The following CSMD1 variants were observed in gnomAD, a reference collection of about 807,000 sequenced individuals.
CSMD1 encodes CUB and sushi domain-containing protein 1.
Under a neutral mutation model 417.5 loss-of-function variants are expected in CSMD1, and 213 were observed. That is an observed-to-expected ratio of 0.51 (90% CI 0.46 to 0.57). The LOEUF (loss-of-function observed/expected upper bound fraction) is 0.57, where lower values mean the gene tolerates loss of function less well. Among genes scored for constraint, CSMD1 ranks in the 20% least tolerant of loss-of-function variants. CSMD1 has a pLI of 0.00. For synonymous variants in CSMD1, 2,862 were observed against 1,736.8 expected (o/e 1.65, Z -16.11); for missense variants, 6,923 against 4,529.7 (o/e 1.53, Z -15.17).
chr8:4,673,017 G>GCACACACGCACACGGTGACACAACA (rs1805427268), intron 1 of CSMD1, among the ~76,000 whole-genome samples: 1 of 150,982 alleles, frequency 6.6e-6, no homozygotes, highest in South Asian at 2.1e-4. Flanking sequence ...TGGTGACATG[G>GCACACACGCACACGGTGACACAACA]CACACACGCA....
At chr8:4,592,720 T>C (rs1265882544) in intron 2 of CSMD1, among the ~76,000 whole-genome samples, 1 of 152,106 alleles carries the variant, frequency 6.6e-6, no homozygotes, top group African/African-American at 2.4e-5. Context: ...TTTATAAAGC[T>C]CAATCCAAAA....
intron 3 of CSMD1, among the ~76,000 whole-genome samples, chr8:4,260,647 T>A (rs918894437): frequency 2.0e-5 from 3 of 152,162 alleles, no homozygotes; most frequent in Admixed American, 6.6e-5. Context: ...GTCCTTGTAA[T>A]TGATTTTCAT....
intron 2 of CSMD1, among the ~76,000 whole-genome samples, chr8:4,609,140 A>T (rs1801037410): frequency 6.6e-6 from 1 of 152,234 alleles, no homozygotes; most frequent in African/African-American, 2.4e-5. Context: ...TGGCTCATGC[A>T]TGTAATCCCA....
At chr8:4,162,801 A>C (rs34904925) in intron 3 of CSMD1, among the ~76,000 whole-genome samples, 1 of 151,850 alleles carries the variant, frequency 6.6e-6, no homozygotes, top group Non-Finnish European at 1.5e-5. Context: ...GGTATTGTAC[A>C]TGCTATGGGT....
At chr8:4,252,965 G>T (rs950204786) in intron 3 of CSMD1, among the ~76,000 whole-genome samples, 1 of 152,160 alleles carries the variant, frequency 6.6e-6, no homozygotes, top group Non-Finnish European at 1.5e-5. Flanking sequence ...CACTTTTCAT[G>T]ACAGCCCAGT....
At chr8:4,309,937 T>C (rs1248794475) in intron 3 of CSMD1, among the ~76,000 whole-genome samples, 2 of 152,290 alleles carry the variant, frequency 1.3e-5, no homozygotes, top group Middle Eastern at 3.4e-3. Context: ...AGAAACATGA[T>C]AGTCGATTAT....
At chr8:3,624,045 G>A (rs151275417) in intron 7 of CSMD1, among the ~76,000 whole-genome samples, 608 of 152,000 alleles carry the variant, frequency 4.0e-3, no homozygotes, top group Non-Finnish European at 6.5e-3. Flanking sequence ...GACATTATGC[G>A]TTGAAGGGCT....
chr8:4,098,129 G>C (rs368779116), intron 3 of CSMD1, among the ~76,000 whole-genome samples: 1 of 152,140 alleles, frequency 6.6e-6, no homozygotes, highest in East Asian at 1.9e-4. Flanking sequence ...TCACTCATCA[G>C]ATTTCATATA....
intron 23 of CSMD1, among the ~76,000 whole-genome samples, chr8:3,336,964 A>C (rs1056807173): frequency 1.9e-4 from 29 of 151,948 alleles, no homozygotes; most frequent in African/African-American, 6.3e-4. Context: ...TAGGAGACTG[A>C]CCTTATGCCA....
rs146323104 is a variant in CSMD1 at position 4,187,193 on chromosome 8, A to G, written c.416-155094T>C. Reference sequence around the variant, plus strand: ...ATAAGTTGCTTTAAAACAATCTGGGACATTGTTGGATTCTGTTCAGAGAAA... The same window carrying G: ...ATAAGTTGCTTTAAAACAATCTGGGGCATTGTTGGATTCTGTTCAGAGAAA... On this transcript the variant is annotated intron_variant, in intron 3 of 69. Transcript: ENST00000635120. Among the ~76,000 whole-genome samples the G allele has an allele frequency of 5.4e-3, 823 of 152,212 alleles. 22 individuals carry two copies. The highest frequency in any genetic ancestry group is 0.042 in the Admixed American group (647 of 15,288).
chr8:3,230,913 A>G (rs1380612744), intron 26 of CSMD1, among the ~76,000 whole-genome samples: 1 of 152,214 alleles, frequency 6.6e-6, no homozygotes. Context: ...AGTAGAGGCC[A>G]GACTCTGCAA....
chr8:3,652,296 G>C (rs1371017933), intron 7 of CSMD1, among the ~76,000 whole-genome samples: 1 of 147,556 alleles, frequency 6.8e-6, no homozygotes, highest in Admixed American at 6.8e-5. Context: ...GCTTACCACT[G>C]TCAGCATGCT....
intron 2 of CSMD1, among the ~76,000 whole-genome samples, chr8:4,572,047 C>T (rs538248334): frequency 2.0e-5 from 3 of 152,222 alleles, no homozygotes; most frequent in Non-Finnish European, 2.9e-5. Flanking sequence ...TACAGCACAC[C>T]GATGGGTCTT....
chr8:4,945,023 G>A (rs997648337), intron 1 of CSMD1, among the ~76,000 whole-genome samples: 1 of 152,080 alleles, frequency 6.6e-6, no homozygotes, highest in African/African-American at 2.4e-5. Flanking sequence ...GCAGATGAAT[G>A]GATAAGCAAA....
intron 54 of CSMD1, among the ~76,000 whole-genome samples, chr8:2,984,146 G>T (rs1478929025): frequency 6.6e-6 from 1 of 152,110 alleles, no homozygotes; most frequent in Non-Finnish European, 1.5e-5. Flanking sequence ...ACATTTGGAG[G>T]TGCACTGAGA....
At chr8:3,430,695 T>C (rs1814159925) in intron 12 of CSMD1, among the ~76,000 whole-genome samples, 1 of 152,052 alleles carries the variant, frequency 6.6e-6, no homozygotes, top group Admixed American at 6.6e-5. Context: ...TAATCCCAGC[T>C]ACTCAGGAGG....
chr8:4,639,673 G>A (rs1449716304), intron 1 of CSMD1, among the ~76,000 whole-genome samples: 2 of 152,104 alleles, frequency 1.3e-5, no homozygotes, highest in Non-Finnish European at 2.9e-5. Context: ...TATTATCTCA[G>A]CTCTTATTGT....
At chr8:3,563,200 T>G (rs1012780616) in intron 10 of CSMD1, among the ~76,000 whole-genome samples, 8 of 152,060 alleles carry the variant, frequency 5.3e-5, no homozygotes, top group Non-Finnish European at 1.0e-4. Context: ...GGGTTTTTTG[T>G]TTGTTTTCTA....
chr8:4,886,679 A>T (rs1803762211), intron 1 of CSMD1, among the ~76,000 whole-genome samples: 1 of 151,982 alleles, frequency 6.6e-6, no homozygotes. Context: ...AGTACATATC[A>T]CAGATTCATT....
Sources: allele counts gnomAD v4.1 joint callset (sites outside exome capture counted in the v4.1 genomes callset), GRCh38; gene constraint gnomAD v4.1.1; transcripts MANE v1.5; gene names NCBI Gene and HGNC (gene_info 2026-07-23, HGNC 2026-07-21).